CDYL: variants seen among roughly 807,000 people sequenced by gnomAD.
CDYL encodes the protein chromodomain Y like, also known as chromodomain Y-like protein.
In CDYL, 8 loss-of-function variants were observed where a neutral mutation model predicts 47.3. That is an observed-to-expected ratio of 0.17 (90% CI 0.10 to 0.31). The LOEUF is 0.31. Ranked by LOEUF, CDYL falls within the 10% of genes least tolerant of loss-of-function variation. The pLI, the probability that CDYL is intolerant of heterozygous loss-of-function variation, is 1.00. For synonymous variants in CDYL, 266 were observed against 265.0 expected (o/e 1.00, Z -0.04); for missense variants, 471 against 701.4 (o/e 0.67, Z 3.71).
intron 3 of CDYL, chr6:4,734,960 T>G (rs1757675846): frequency 1.4e-6 from 2 of 1,473,800 alleles, no homozygotes; most frequent in Non-Finnish European, 1.8e-6. Context: ...CTTGGGTCCC[T>G]TTGGTGGTCT....
At chr6:4,815,301 T>C (rs767651425) in intron 1 of CDYL, among the ~76,000 whole-genome samples, 2 of 152,384 alleles carry the variant, frequency 1.3e-5, no homozygotes, top group Non-Finnish European at 2.9e-5. Context: ...TATATAAATA[T>C]AGCTATAAGC....
chr6:4,945,400 C>T (rs905739604), intron 5 of CDYL, among the ~76,000 whole-genome samples: 2 of 152,104 alleles, frequency 1.3e-5, no homozygotes, highest in Non-Finnish European at 2.9e-5. Flanking sequence ...CCCCCAGTGC[C>T]GCACTGGTCT....
intron 2 of CDYL, among the ~76,000 whole-genome samples, chr6:4,730,674 CAAAAAAAAAAAAAAAA>C (rs56956798): frequency 3.3e-5 from 2 of 60,452 alleles, no homozygotes; most frequent in Admixed American, 2.2e-4. Flanking sequence ...AATTCCATCT[CAAAAAAAAAAAAAAAA>C]AAAAAAAAAA....
chr6:4,948,395 A>G (rs1758594107), intron 5 of CDYL, among the ~76,000 whole-genome samples: 1 of 152,166 alleles, frequency 6.6e-6, no homozygotes, highest in Admixed American at 6.5e-5. Flanking sequence ...GCTTGAAGTC[A>G]TCACAGGACG....
intron 1 of CDYL, among the ~76,000 whole-genome samples, chr6:4,783,334 C>T (rs1298620595): frequency 6.6e-6 from 1 of 151,414 alleles, no homozygotes; most frequent in African/African-American, 2.4e-5. Context: ...CAAATAAAAC[C>T]AGTTAATTGG....
In CDYL at chr6:4,834,796, C is replaced by G. The variant is rs1172477976; in HGVS notation, c.25-56917C>G. 3.9e-5 allele frequency among the ~76,000 whole-genome samples: 6 copies of G among 152,016 alleles called. No individual in the cohort carries two copies. The South Asian group carries it at 1.0e-3, about 26-fold the overall frequency. ...TTCTTTTTATTTTTTTTTCTCTAAACTTCCTTTCTCGCTTCATTTCATTCA... is the reference window on the plus strand; with the variant it reads ...TTCTTTTTATTTTTTTTTCTCTAAAGTTCCTTTCTCGCTTCATTTCATTCA... On this transcript the variant is annotated intron_variant, in intron 1 of 6. Coordinates refer to ENST00000397588, the MANE Select transcript of CDYL (RefSeq NM_004824.4).
chr6:4,766,891 C>T (rs1228317956), intron 3 of CDYL, among the ~76,000 whole-genome samples: 1 of 151,894 alleles, frequency 6.6e-6, no homozygotes, highest in Non-Finnish European at 1.5e-5. Flanking sequence ...GTCTCAGCTA[C>T]TTGGGGGGAG....
In CDYL at chr6:4,776,738, G is replaced by GGCCCCCCC; in HGVS notation, c.-46_-45insGCCCCCCC. The GGCCCCCCC allele has an allele frequency of 6.6e-5, 83 of 1,250,046 alleles. No homozygotes were observed. The highest frequency in any genetic ancestry group is 8.0e-5 in the Non-Finnish European group (78 of 969,056). 77.4% of individuals were successfully genotyped at this position (1,250,046 alleles called of 1,614,324 possible). A position where few individuals can be genotyped will look rare whatever the true frequency, so the allele number is the denominator to read the frequency against. ...AAAGTGTCGGCCGCCCGGCGCCGGC[G>GGCCCCCCC]CCCGCCCCGACCCTGCCCCTCCCGC... On this transcript the variant is annotated 5_prime_UTR_variant, in exon 1 of 7. Coordinates refer to ENST00000397588, the MANE Select transcript of CDYL (RefSeq NM_004824.4).
At chr6:4,854,029 A>G (rs952828640) in intron 1 of CDYL, among the ~76,000 whole-genome samples, 2 of 152,216 alleles carry the variant, frequency 1.3e-5, no homozygotes, top group African/African-American at 4.8e-5. Flanking sequence ...GCTCGTGGTG[A>G]GTCCCCTTGA....
At chr6:4,752,114 G>A (rs780839552) in intron 3 of CDYL, among the ~76,000 whole-genome samples, 1 of 152,198 alleles carries the variant, frequency 6.6e-6, no homozygotes, top group Non-Finnish European at 1.5e-5. Flanking sequence ...TTAGCACAGG[G>A]ACAGCAGGTC....
intron 1 of CDYL, among the ~76,000 whole-genome samples, chr6:4,787,278 T>G (rs940126326): frequency 6.6e-6 from 1 of 152,172 alleles, no homozygotes; most frequent in Non-Finnish European, 1.5e-5. Flanking sequence ...CTAGACTGAT[T>G]CGTTGTGCCC....
At chr6:4,716,539 A>G (rs1276166484) in intron 2 of CDYL, among the ~76,000 whole-genome samples, 1 of 150,656 alleles carries the variant, frequency 6.6e-6, no homozygotes, top group Admixed American at 6.6e-5. Flanking sequence ...CTCCAAGTCA[A>G]TTGATAGCAC....
At chr6:4,905,756 A>AT (rs530811166) in intron 2 of CDYL, among the ~76,000 whole-genome samples, 2 of 151,300 alleles carry the variant, frequency 1.3e-5, no homozygotes, top group East Asian at 1.9e-4. Context: ...CTTCTTTTTC[A>AT]TTTTTTTTAG....
intron 1 of CDYL, among the ~76,000 whole-genome samples, chr6:4,802,075 A>G (rs1247988531): frequency 6.6e-6 from 1 of 152,148 alleles, no homozygotes; most frequent in Non-Finnish European, 1.5e-5. Context: ...GTTGGTGAGG[A>G]ACTGGCTTTT....
In CDYL at chr6:4,955,185, A is replaced by G. The variant is rs1205003605; in HGVS notation, c.*1129A>G. ...GTGTCCAAGAGTGCCCTGTGTGGATAGACATGTGCACTCCTTCCAGGAGTG... is the reference window on the plus strand; with the variant it reads ...GTGTCCAAGAGTGCCCTGTGTGGATGGACATGTGCACTCCTTCCAGGAGTG... On this transcript the variant is annotated 3_prime_UTR_variant, in exon 7 of 7. Transcript: ENST00000397588. 6.6e-6 allele frequency: 1 copy of G among 152,622 alleles called. No individual in the cohort carries two copies. The highest frequency in any genetic ancestry group is 2.4e-5 in the African/African-American group (1 of 41,450). 9.5% of individuals were successfully genotyped at this position (152,622 alleles called of 1,614,324 possible).
rs1016051589 is a variant in CDYL at position 4,819,162 on chromosome 6, C to CTCTG, written c.24+42356_24+42357insCTGT. Among the ~76,000 whole-genome samples the CTCTG allele has an allele frequency of 5.8e-3, 654 of 111,824 alleles. 5 individuals are homozygous for CTCTG. Among genetic ancestry groups the CTCTG allele is most frequent in the African/African-American group, 0.015 (306 of 20,696 alleles). 73.4% of individuals were successfully genotyped at this position (111,824 alleles called of 152,430 possible). On this transcript the variant is annotated intron_variant, in intron 1 of 6. Coordinates refer to ENST00000397588, the MANE Select transcript of CDYL (RefSeq NM_004824.4). ...TCTCTCTCTCTCTCTCTCTCTCTCT[C>CTCTG]TGTGTGTGTGTGTGTGTGTGTAGCT...
upstream of CDYL, chr6:4,774,791 C>G (rs1758393972): frequency 6.6e-6 from 1 of 152,246 alleles, no homozygotes; most frequent in African/African-American, 2.4e-5. Flanking sequence ...GCAGTGAGCA[C>G]GCGTGAGTGC....
rs35346944 is a variant in CDYL at position 4,815,673 on chromosome 6, CTTTTTTTTTTTT to C, written c.24+38875_24+38886del. 4.3e-3 allele frequency among the ~76,000 whole-genome samples: 488 copies of C among 113,656 alleles called. 4 individuals carry two copies. The highest frequency in any genetic ancestry group is 0.015 in the African/African-American group (465 of 30,336). The allele number at this position is 113,656 out of a possible 152,430, so 74.6% of individuals were successfully genotyped here. On this transcript the variant is annotated intron_variant, in intron 1 of 6. Coordinates refer to ENST00000397588, the MANE Select transcript of CDYL (RefSeq NM_004824.4). ...TGATTGTTGTAATAGTGAGATTTCA[CTTTTTTTTTTTT>C]TTTTTTTTACCTTTTTTTTTTCCCT...
At chr6:4,758,297 C>A (rs1189418141) in intron 3 of CDYL, among the ~76,000 whole-genome samples, 2 of 150,004 alleles carry the variant, frequency 1.3e-5, no homozygotes, top group Non-Finnish European at 2.9e-5. Context: ...TAAGATTACG[C>A]CACTGCACTC....
Sources: gnomAD v4.1 joint callset for allele counts (sites outside exome capture counted in the v4.1 genomes callset) on GRCh38, gnomAD v4.1.1 for gene constraint, MANE v1.5 for transcripts, NCBI Gene and HGNC (gene_info 2026-07-23, HGNC 2026-07-21) for gene names.